The following AIFM3 variants were observed in gnomAD, a reference collection of about 807,000 sequenced individuals.
AIFM3 encodes the protein apoptosis-inducing factor 3.
AIFM3 carries 71 observed loss-of-function variants against 82.7 expected under a neutral mutation model. The ratio of observed to expected loss-of-function variants is 0.86; its 90% confidence interval spans 0.71 to 1.05. AIFM3 has a LOEUF of 1.05. Ranked by LOEUF, AIFM3 falls within the 50% of genes least tolerant of loss-of-function variation. AIFM3 has a pLI of 0.00. For synonymous variants in AIFM3, 337 were observed against 329.1 expected (o/e 1.02, Z -0.26); for missense variants, 748 against 816.7 (o/e 0.92, Z 1.03).
chr22:20,979,810 T>G, intron 18 of AIFM3, 108 bp downstream of exon 18: 2 of 1,409,104 alleles, frequency 1.4e-6, no homozygotes, highest in South Asian at 2.5e-5. Flanking sequence ...TGAGCCCCGC[T>G]GAGGAGTGCT....
chr22:20,973,542 G>A (rs1331582324), intron 3 of AIFM3, 22 bp downstream of exon 3: 1 of 1,601,230 alleles, frequency 6.2e-7, no homozygotes, highest in Admixed American at 1.7e-5. Context: ...GCTTGCCTGG[G>A]AGCGGGGATC....
rs779846787 is a variant in AIFM3, at chr22:20,979,361, G to A, written c.1568G>A (p.Arg523His). The part of the protein sequence containing the change: ...LWTAMFGKSL[R>H]YAGYGEGFDD... ...ACCGCCATGTTTGGCAAGAGCCTGC[G>A]CTACGCGGGTAACCCCGGGGCCTCG... is the stretch of plus-strand genomic sequence containing the variant. Residue 523 changes from arginine to histidine, a missense_variant, in exon 17 of 21, where the codon CGC becomes CAC. Arg to His is a conservative substitution (Grantham distance 29, BLOSUM62 0). This residue lies in a region of AIFM3 where 183 missense variants were observed against 158.2 expected (regional missense o/e 1.16). Coordinates refer to ENST00000440238, the MANE Select transcript of AIFM3 (RefSeq NM_001386814.1). 3.2e-6 allele frequency: 5 copies of A among 1,553,844 alleles called. No individual in the cohort carries two copies.
At position 20,976,690 on chromosome 22, in the gene AIFM3, CTG is replaced by C. The variant is rs1923697133; in HGVS notation, c.1074_1075del (p.Ser359CysfsTer26). ...GCTTACCTGACGGAGAAGGCCCACTCTGTGTCTGTGGTGGAGCTGGAGGAGAC... is the reference window on the plus strand; with the variant it reads ...GCTTACCTGACGGAGAAGGCCCACTCTGTCTGTGGTGGAGCTGGAGGAGAC... On this transcript the variant is annotated frameshift_variant, in exon 12 of 21. Coordinates refer to ENST00000440238, the MANE Select transcript of AIFM3 (RefSeq NM_001386814.1). LOFTEE classifies it high-confidence loss of function. 6.2e-7 allele frequency: 1 copy of C among 1,609,444 alleles called. No individual in the cohort carries two copies. The highest frequency in any genetic ancestry group is 1.3e-5 in the African/African-American group (1 of 74,822).
chr22:20,980,022 G>A lies in AIFM3; in HGVS notation c.1655G>A (p.Gly552Asp), dbSNP rs906858918. 1 of 1,610,316 alleles carries A rather than the reference G, an allele frequency of 6.2e-7. No individual in the cohort carries two copies. The highest frequency in any genetic ancestry group is 1.3e-5 in the African/African-American group (1 of 75,056). Residue 552 changes from glycine (G) to aspartate (D), a missense_variant and splice_region_variant, in exon 19 of 21, where the codon GGC (glycine) becomes GAC (aspartate). Physicochemically the swap from Gly to Asp is moderately conservative, Grantham distance 94. Around this residue, in one of 5 missense-constraint regions of AIFM3, gnomAD observed 183 missense variants for 158.2 expected, o/e 1.16. Coordinates refer to ENST00000440238, the MANE Select transcript of AIFM3 (RefSeq NM_001386814.1). ...ELKFVAFYTK[G>D]DEVIAVASMN... ...GCTTGGCCATCCTCTCCTTGCAGAGGCGACGAGGTGATCGCCGTGGCCAGC... is the reference window on the plus strand; with the variant it reads ...GCTTGGCCATCCTCTCCTTGCAGAGACGACGAGGTGATCGCCGTGGCCAGC...
intron 2 of AIFM3, among the ~76,000 whole-genome samples, chr22:20,969,311 C>T (rs1429544174): frequency 6.6e-6 from 1 of 152,234 alleles, no homozygotes; most frequent in Admixed American, 6.5e-5. Context: ...AAATCCAGCC[C>T]TGCCCCTTTC....
upstream of AIFM3, chr22:20,967,076 T>C (rs12170987): frequency 0.36 from 54,132 of 152,456 alleles, 10,344 homozygotes; most frequent in Admixed American, 0.44. Flanking sequence ...AGGCCCGGGC[T>C]GGCCGCCCAC....
intron 5 of AIFM3, 34 bp downstream of exon 5, chr22:20,974,206 G>A (rs752845782): frequency 6.2e-7 from 1 of 1,613,656 alleles, no homozygotes; most frequent in East Asian, 2.2e-5. Flanking sequence ...TGGGAACCTG[G>A]GGGTGTGGGG....
Position 20,980,107 on chromosome 22 carries a change from C to CCGGAAG in AIFM3, c.1744_1749dup (p.Lys582_Arg583dup), listed in dbSNP as rs1318601243. On this transcript the variant is annotated inframe_insertion, in exon 19 of 21. Coordinates refer to ENST00000440238, the MANE Select transcript of AIFM3 (RefSeq NM_001386814.1). ...AGGTGCTGGCCTCAGGCCGTGCCAT[C>CCGGAAG]CGGAAGCGGGAGGTGGAGTGAGTGT... The CCGGAAG allele has an allele frequency of 1.6e-5, 25 of 1,608,724 alleles. No individual in the cohort carries two copies. Among genetic ancestry groups the CCGGAAG allele is most frequent in the Non-Finnish European group, 1.9e-5 (23 of 1,179,980 alleles).
intron 14 of AIFM3, 194 bp downstream of exon 14, chr22:20,977,289 C>A: frequency 1.4e-6 from 1 of 711,950 alleles, no homozygotes; most frequent in Non-Finnish European, 2.3e-6. Flanking sequence ...AGGCCTGGCA[C>A]AGTGGATGCT....
At chr22:20,979,786 C>A in intron 18 of AIFM3, 84 bp downstream of exon 18, 1 of 1,540,410 alleles carries the variant, frequency 6.5e-7, no homozygotes, top group Non-Finnish European at 9.0e-7. Context: ...AATCCCAGAA[C>A]AAGAGCCCAG....
intron 18 of AIFM3, 39 bp downstream of exon 18, chr22:20,979,741 G>C (rs1923962504): frequency 2.5e-6 from 4 of 1,611,232 alleles, no homozygotes; most frequent in Non-Finnish European, 3.4e-6. Context: ...GAAGCAGCGG[G>C]AGCTCAGTCG....
intron 2 of AIFM3, among the ~76,000 whole-genome samples, chr22:20,969,856 G>T (rs1416085068): frequency 1.3e-5 from 2 of 152,054 alleles, no homozygotes; most frequent in Non-Finnish European, 2.9e-5. Flanking sequence ...GGGCCTGAGG[G>T]TTCAGCTGGG....
In AIFM3 at chr22:20,979,713, C is replaced by T. The variant is rs1184132469; in HGVS notation, c.1652+11C>T. 9 of 1,613,992 alleles carry T rather than the reference C, an allele frequency of 5.6e-6. No individual in the cohort carries two copies. The highest frequency in any genetic ancestry group is 1.6e-4 in the Middle Eastern group (1 of 6,084). Reference sequence around the variant, plus strand: ...GGCTTTTTACACTAAGTGAGAGCACCGGGGTGCAGCTTGGCGCGAAGCAGC... The same window carrying T: ...GGCTTTTTACACTAAGTGAGAGCACTGGGGTGCAGCTTGGCGCGAAGCAGC... On this transcript the variant is annotated intron_variant, in intron 18 of 20. Transcript: ENST00000440238.
Position 20,979,258 on chromosome 22 carries a change from CTGG to C in AIFM3, c.1478-12_1478-10del, listed in dbSNP as rs2079195117. Reference sequence around the variant, plus strand: ...AGCGAGAGTTAGGGTTCTCACGGCCCTGGGTCCCGCAGGGCGCGTGGCAGCCCA... The same window carrying C: ...AGCGAGAGTTAGGGTTCTCACGGCCCGTCCCGCAGGGCGCGTGGCAGCCCA... On this transcript the variant is annotated splice_polypyrimidine_tract_variant and intron_variant, in intron 16 of 20. Coordinates refer to ENST00000440238, the MANE Select transcript of AIFM3 (RefSeq NM_001386814.1). 1.0e-5 allele frequency: 16 copies of C among 1,552,578 alleles called. No individual in the cohort carries two copies. The highest frequency in any genetic ancestry group is 1.3e-5 in the Non-Finnish European group (15 of 1,147,676).
intron 2 of AIFM3, among the ~76,000 whole-genome samples, chr22:20,972,456 CA>C (rs1488438054): frequency 6.6e-6 from 1 of 150,928 alleles, no homozygotes; most frequent in African/African-American, 2.4e-5. Context: ...ATGCTGTGTA[CA>C]TTTTTTTTAA....
intron 11 of AIFM3, 47 bp from the exon 12 acceptor site, chr22:20,976,604 T>C (rs774554901): frequency 3.7e-5 from 60 of 1,612,668 alleles, no homozygotes; most frequent in Non-Finnish European, 4.8e-5. Context: ...GAAGTTCTGG[T>C]CGAGGAAGGT....
In AIFM3 at chr22:20,973,528, C is replaced by T. The variant is rs771093828; in HGVS notation, c.245+8C>T. 1 of 1,606,102 alleles carries T rather than the reference C, an allele frequency of 6.2e-7. No individual in the cohort carries two copies. The highest frequency in any genetic ancestry group is 1.1e-5 in the South Asian group (1 of 90,734). The stretch of plus-strand genomic sequence containing the variant: ...GGACCTCGAGAATGGCCAGTGGGTT[C>T]TGGGCTTGCCTGGGAGCGGGGATCA... On this transcript the variant is annotated splice_region_variant and intron_variant, in intron 3 of 20. Transcript: ENST00000440238.
At chr22:20,973,963 T>C in intron 4 of AIFM3, 96 bp downstream of exon 4, 1 of 1,465,414 alleles carries the variant, frequency 6.8e-7, no homozygotes, top group Non-Finnish European at 9.2e-7. Flanking sequence ...ATTAGTGAAG[T>C]CTCCTGGGCT....
In AIFM3 at chr22:20,967,855, C is replaced by A. The variant is rs772827076; in HGVS notation, c.-90C>A. ...GCGGCTCCAGCGTCTCTAAGGCCTGCAGGGGGTCCAGCCCCATGGGGGGCG... is the reference window on the plus strand; with the variant it reads ...GCGGCTCCAGCGTCTCTAAGGCCTGAAGGGGGTCCAGCCCCATGGGGGGCG... On this transcript the variant is annotated 5_prime_UTR_variant, in exon 2 of 21. Transcript: ENST00000440238. 1.8e-5 allele frequency: 26 copies of A among 1,444,228 alleles called. No individual in the cohort carries two copies. In the African/African-American group the frequency reaches 2.9e-4, roughly 16 times the overall value. 89.5% of individuals were successfully genotyped at this position (1,444,228 alleles called of 1,614,324 possible).
Sources: allele counts gnomAD v4.1 joint callset (sites outside exome capture counted in the v4.1 genomes callset), GRCh38; gene constraint gnomAD v4.1.1; regional missense constraint gnomAD v4.1.1; transcripts MANE v1.5; gene names NCBI Gene and HGNC (gene_info 2026-07-23, HGNC 2026-07-21).